SRFBP1: variants seen among roughly 807,000 people sequenced by gnomAD.
SRFBP1 encodes serum response factor binding protein 1.
A neutral mutation model predicts 45.5 loss-of-function variants in SRFBP1; 47 were observed. The ratio of observed to expected loss-of-function variants is 1.03; its 90% confidence interval spans 0.82 to 1.32. The LOEUF (loss-of-function observed/expected upper bound fraction) is 1.32, where lower values mean the gene tolerates loss of function less well. SRFBP1 is among the 40% of genes most tolerant of loss of function. The probability of loss-of-function intolerance (pLI) is 0.00; values close to 1 mark genes in which losing one functional copy is unlikely to be tolerated. For missense variants in SRFBP1, 621 were observed against 484.6 expected (o/e 1.28, Z -2.64); for synonymous variants, 203 against 166.3 (o/e 1.22, Z -1.70).
At position 122,025,162 on chromosome 5, in the gene SRFBP1, C is replaced by G. The variant is rs555857936; in HGVS notation, c.1106-1780C>G. Among the ~76,000 whole-genome samples the G allele has an allele frequency of 8.2e-3, 1,243 of 151,952 alleles. 18 individuals carry two copies. The highest frequency in any genetic ancestry group is 0.028 in the African/African-American group (1,159 of 41,430). ...GTGTGTGATGTTCCCCTTCCTGTGT[C>G]CATGTGTTCTCATTGTTCAATTCCC... is the stretch of plus-strand genomic sequence containing the variant. On this transcript the variant is annotated intron_variant, in intron 7 of 7. Coordinates refer to ENST00000339397, the MANE Select transcript of SRFBP1 (RefSeq NM_152546.3).
At chr5:122,040,288 A>G (rs868640605) in intron 2 of SRFBP1, among the ~76,000 whole-genome samples, 2 of 152,160 alleles carry the variant, frequency 1.3e-5, no homozygotes, top group Non-Finnish European at 2.9e-5. Flanking sequence ...TGTAGAACAA[A>G]TTATATGTAC....
At chr5:122,066,625 C>CT in intron 2 of SRFBP1, 1 of 824,508 alleles carries the variant, frequency 1.2e-6, no homozygotes, top group South Asian at 1.8e-5. Flanking sequence ...AACAAAAATT[C>CT]TTTTGTTGTT....
chr5:122,068,597 C>A (rs1011452932), intron 2 of SRFBP1, among the ~76,000 whole-genome samples: 1 of 152,106 alleles, frequency 6.6e-6, no homozygotes, highest in Non-Finnish European at 1.5e-5. Flanking sequence ...CAGACCTGTA[C>A]CTGACAATGG....
intron 2 of SRFBP1, among the ~76,000 whole-genome samples, chr5:122,056,385 C>G (rs1754077958): frequency 6.6e-6 from 1 of 152,154 alleles, no homozygotes; most frequent in African/African-American, 2.4e-5. Context: ...AGCCCTGATA[C>G]ATTTGCAAGT....
chr5:122,001,983 A>T (rs1001397574), intron 4 of SRFBP1, among the ~76,000 whole-genome samples: 2 of 152,218 alleles, frequency 1.3e-5, no homozygotes, highest in Non-Finnish European at 2.9e-5. Flanking sequence ...GGTGTGTGTA[A>T]GAAAAAGATT....
At chr5:122,004,596 A>G (rs1752941318) in intron 4 of SRFBP1, among the ~76,000 whole-genome samples, 2 of 152,070 alleles carry the variant, frequency 1.3e-5, no homozygotes, top group African/African-American at 4.8e-5. Context: ...ATAGTTTTAT[A>G]TCTTCAAAAA....
chr5:121,973,357 A>T (rs1752238550), intron 1 of SRFBP1, among the ~76,000 whole-genome samples: 1 of 151,846 alleles, frequency 6.6e-6, no homozygotes, highest in Non-Finnish European at 1.5e-5. Flanking sequence ...CCTGAATTTT[A>T]TATAGTTCCT....
chr5:122,025,275 TACAAAGG>T (rs1753455714), intron 7 of SRFBP1, among the ~76,000 whole-genome samples: 1 of 152,212 alleles, frequency 6.6e-6, no homozygotes. Flanking sequence ...TCCATGTCCC[TACAAAGG>T]ACATGAACTC....
intron 4 of SRFBP1, among the ~76,000 whole-genome samples, chr5:122,004,072 G>A (rs901598302): frequency 1.3e-5 from 2 of 152,030 alleles, no homozygotes; most frequent in African/African-American, 4.8e-5. Context: ...GGTGGGAGGT[G>A]CCAGCCTAGA....
chr5:121,971,340 T>C (rs543694967), intron 1 of SRFBP1, among the ~76,000 whole-genome samples: 15 of 152,058 alleles, frequency 9.9e-5, no homozygotes, highest in Non-Finnish European at 1.8e-4. Flanking sequence ...TTAAGATTAA[T>C]AGGACTTGGA....
chr5:122,051,733 G>T (rs928126485), intron 2 of SRFBP1, among the ~76,000 whole-genome samples: 11 of 151,552 alleles, frequency 7.3e-5, no homozygotes, highest in African/African-American at 2.7e-4. Flanking sequence ...CTTTTAATTG[G>T]GGCATTTAGC....
chr5:122,076,961 C>T (rs566689604), downstream of SRFBP1: 5 of 1,613,824 alleles, frequency 3.1e-6, no homozygotes, highest in Non-Finnish European at 4.2e-6. Flanking sequence ...CGTACGTGGA[C>T]GCCTGGATGT....
chr5:122,068,260 TACA>T (rs1754354110), intron 2 of SRFBP1, among the ~76,000 whole-genome samples: 2 of 147,844 alleles, frequency 1.4e-5, no homozygotes, highest in Non-Finnish European at 3.0e-5. Context: ...GCTGGAGCAA[TACA>T]ACAATTTTTA....
At chr5:122,029,982 T>A (rs1289340507), downstream of SRFBP1, among the ~76,000 whole-genome samples, 2 of 152,182 alleles carry the variant, frequency 1.3e-5, no homozygotes, top group Non-Finnish European at 2.9e-5. Flanking sequence ...TATTTACATA[T>A]TTGAAAGTTC....
At chr5:122,016,052 C>G (rs561065524) in intron 4 of SRFBP1, among the ~76,000 whole-genome samples, 1 of 152,236 alleles carries the variant, frequency 6.6e-6, no homozygotes, top group African/African-American at 2.4e-5. Flanking sequence ...TACTTTTCTG[C>G]ATAATATTTC....
intron 4 of SRFBP1, among the ~76,000 whole-genome samples, chr5:122,003,260 A>G (rs1477265266): frequency 1.3e-5 from 2 of 151,874 alleles, no homozygotes; most frequent in Admixed American, 6.6e-5. Flanking sequence ...TGGGAGAACC[A>G]CATGAGCCTG....
chr5:122,040,495 T>G (rs992563723), intron 2 of SRFBP1, among the ~76,000 whole-genome samples: 1 of 152,156 alleles, frequency 6.6e-6, no homozygotes, highest in African/African-American at 2.4e-5. Context: ...AGCCAAAGCT[T>G]AGAGGGTCAA....
chr5:121,969,227 G>A (rs548176884), intron 1 of SRFBP1, among the ~76,000 whole-genome samples: 15 of 152,194 alleles, frequency 9.9e-5, no homozygotes, highest in Admixed American at 2.6e-4. Context: ...TCTAATATGC[G>A]TAATAAATGC....
At chr5:122,057,710 A>C (rs1330661195) in intron 2 of SRFBP1, among the ~76,000 whole-genome samples, 1 of 152,122 alleles carries the variant, frequency 6.6e-6, no homozygotes, top group African/African-American at 2.4e-5. Flanking sequence ...TAAAATGATT[A>C]AGTGAAACTC....
Sources: gnomAD v4.1 joint callset for allele counts (sites outside exome capture counted in the v4.1 genomes callset) on GRCh38, gnomAD v4.1.1 for gene constraint, MANE v1.5 for transcripts, NCBI Gene and HGNC (gene_info 2026-07-23, HGNC 2026-07-21) for gene names.